The following NBPF15 variants were observed in gnomAD, a reference collection of about 807,000 sequenced individuals.
NBPF15 encodes NBPF family member NBPF15.
In NBPF15, 74 loss-of-function variants were observed where a neutral mutation model predicts 62.2. That is an observed-to-expected ratio of 1.19 (90% CI 0.99 to 1.44). The LOEUF (loss-of-function observed/expected upper bound fraction) is 1.44, where lower values mean the gene tolerates loss of function less well. Ranked by LOEUF, NBPF15 falls within the 40% of genes most tolerant of loss-of-function variation. The probability of loss-of-function intolerance (pLI) is 0.00; values close to 1 mark genes in which losing one functional copy is unlikely to be tolerated. For missense variants in NBPF15, 790 were observed against 550.0 expected, an observed-to-expected ratio of 1.44 and a Z score of -4.36; for synonymous variants, 244 against 209.7, an observed-to-expected ratio of 1.16 and a Z score of -1.41.
chr1:144,428,504 TG>T (rs1671672021), intron 15 of NBPF15, 101 bp downstream of exon 15: 1 of 819,002 alleles, frequency 1.2e-6, no homozygotes, highest in African/African-American at 1.7e-5. Flanking sequence ...CAGACTTGTC[TG>T]ACAAGACAAA....
intron 13 of NBPF15, among the ~76,000 whole-genome samples, chr1:144,432,183 C>T (rs1224686648): frequency 6.6e-6 from 1 of 151,996 alleles, no homozygotes; most frequent in Admixed American, 6.6e-5. Context: ...GAATTTTCAA[C>T]CCAGAATTTC....
rs1287626504 is a variant in NBPF15 at position 144,461,666 on chromosome 1, G to A, written c.-1223C>T. 6.6e-6 allele frequency: 1 copy of A among 152,296 alleles called. No individual in the cohort carries two copies. The highest frequency in any genetic ancestry group is 1.5e-5 in the Non-Finnish European group (1 of 68,208). 9.4% of individuals were successfully genotyped at this position (152,296 alleles called of 1,614,324 possible). A position where few individuals can be genotyped will look rare whatever the true frequency, so the allele number is the denominator to read the frequency against. ...GGGTCCCGCCCGGCGCGTCAGGAGA[G>A]CCCAAGGCGCAGGCGCAGCGGGGCC... On this transcript the variant is annotated 5_prime_UTR_variant, in exon 1 of 22. Coordinates refer to ENST00000581897, the MANE Select transcript of NBPF15 (RefSeq NM_001385408.1).
At position 144,456,582 on chromosome 1, in the gene NBPF15, T is replaced by A; in HGVS notation, c.-477A>T. 6.6e-7 allele frequency: 1 copy of A among 1,509,908 alleles called. No individual in the cohort carries two copies. The highest frequency in any genetic ancestry group is 8.9e-7 in the Non-Finnish European group (1 of 1,121,244). The allele number at this position is 1,509,908 out of a possible 1,614,324, so 93.5% of individuals were successfully genotyped here. ...TCATTCAGCCCACACCGTGTGAGGT[T>A]GCTCTTGGTGCACCGAATGGGGAAG... is the stretch of plus-strand genomic sequence containing the variant. On this transcript the variant is annotated 5_prime_UTR_variant, in exon 4 of 22. Transcript: ENST00000581897.
At chr1:144,424,603 G>A (rs2101586472) in intron 20 of NBPF15, 87 bp downstream of exon 20, 1 of 658,264 alleles carries the variant, frequency 1.5e-6, no homozygotes. Flanking sequence ...ACATCTCTCA[G>A]CTCAGTAATG....
At chr1:144,432,970 A>G (rs1325758794) in intron 13 of NBPF15, among the ~76,000 whole-genome samples, 2 of 151,822 alleles carry the variant, frequency 1.3e-5, no homozygotes, top group African/African-American at 4.8e-5. Context: ...AGACATCTAC[A>G]GAACTCTCCA....
At chr1:144,431,599 A>C (rs1674381732) in intron 13 of NBPF15, among the ~76,000 whole-genome samples, 1 of 136,534 alleles carries the variant, frequency 7.3e-6, no homozygotes, top group Non-Finnish European at 1.6e-5. Context: ...CCATTAACTC[A>C]TCATTTAACA....
At chr1:144,431,690 T>G (rs1487425279) in intron 13 of NBPF15, among the ~76,000 whole-genome samples, 1 of 117,000 alleles carries the variant, frequency 8.5e-6, no homozygotes, top group Non-Finnish European at 1.7e-5. Context: ...CCCCTTTCTG[T>G]GTCCATGTGT....
chr1:144,428,089 G>C lies in NBPF15; in HGVS notation c.1041-99C>G, dbSNP rs1236577420. 5 of 739,696 alleles carry C rather than the reference G, an allele frequency of 6.8e-6. No homozygotes were observed. In the African/African-American group the frequency reaches 8.6e-5, roughly 13 times the overall value. The allele number at this position is 739,696 out of a possible 1,614,324, so 45.8% of individuals were successfully genotyped here. A position where few individuals can be genotyped will look rare whatever the true frequency, so the allele number is the denominator to read the frequency against. On this transcript the variant is annotated intron_variant, in intron 15 of 21. Transcript: ENST00000581897. The stretch of plus-strand genomic sequence containing the variant: ...GCTAACATAAGGAAGAGTTTGAAAA[G>C]AAAAAGGACAGATCCATTAATGAGG...
At chr1:144,438,927 G>A (rs1188726385) in intron 8 of NBPF15, among the ~76,000 whole-genome samples, 1 of 151,792 alleles carries the variant, frequency 6.6e-6, no homozygotes, top group Non-Finnish European at 1.5e-5. Context: ...GCCCCAGGAA[G>A]CAGGACTTCA....
chr1:144,442,791 G>A (rs1553543121), intron 6 of NBPF15: 16 of 207,358 alleles, frequency 7.7e-5, no homozygotes, highest in East Asian at 1.2e-4. Flanking sequence ...TGGGGGGCCA[G>A]AAATATACTG....
At chr1:144,453,410 T>C (rs1428097247) in intron 4 of NBPF15, among the ~76,000 whole-genome samples, 1 of 151,682 alleles carries the variant, frequency 6.6e-6, no homozygotes, top group African/African-American at 2.4e-5. Flanking sequence ...TGAGGGATCC[T>C]GGGTTCAATG....
chr1:144,432,042 G>C (rs1219489946), intron 13 of NBPF15, among the ~76,000 whole-genome samples: 2 of 151,876 alleles, frequency 1.3e-5, no homozygotes, highest in Admixed American at 6.6e-5. Context: ...AGTATTTCTA[G>C]TTCTAGATCC....
At chr1:144,429,203 A>C (rs1672359545) in intron 14 of NBPF15, among the ~76,000 whole-genome samples, 1 of 150,634 alleles carries the variant, frequency 6.6e-6, no homozygotes, top group South Asian at 2.1e-4. Context: ...AAACAAGCGC[A>C]CTTAGAAGAC....
chr1:144,424,693 CCACGTCAAGAGAAAAGCCAA>C lies in NBPF15; in HGVS notation c.1640_1659del (p.Val547GlyfsTer4). On this transcript the variant is annotated frameshift_variant, in exon 20 of 22. Transcript: ENST00000581897. LOFTEE classifies it high-confidence loss of function. ...ACCTTCATAGAAAGGTACTCACCTC[CCACGTCAAGAGAAAAGCCAA>C]CATGTTTTTCCTCCAATGCATAAAA... The C allele has an allele frequency of 1.6e-6, 1 of 630,230 alleles. No homozygotes were observed. The highest frequency in any genetic ancestry group is 2.8e-6 in the Non-Finnish European group (1 of 358,754). The allele number at this position is 630,230 out of a possible 1,614,324, so 39.0% of individuals were successfully genotyped here. A position where few individuals can be genotyped will look rare whatever the true frequency, so the allele number is the denominator to read the frequency against.
At chr1:144,455,135 G>A (rs185304943) in intron 4 of NBPF15, among the ~76,000 whole-genome samples, 2 of 147,770 alleles carry the variant, frequency 1.4e-5, no homozygotes, top group East Asian at 4.0e-4. Context: ...AAGGGAGGGA[G>A]GAAGAAAAGG....
chr1:144,431,464 T>C (rs1242602735), intron 13 of NBPF15, among the ~76,000 whole-genome samples: 3 of 147,198 alleles, frequency 2.0e-5, no homozygotes, highest in African/African-American at 5.4e-5. Flanking sequence ...TTTATTATTT[T>C]TTGTGTGTAT....
rs1375171660 is a variant in NBPF15 at position 144,423,332 on chromosome 1, A to C, written c.1770-76T>G. On this transcript the variant is annotated intron_variant, in intron 21 of 21. Coordinates refer to ENST00000581897, the MANE Select transcript of NBPF15 (RefSeq NM_001385408.1). ...CAGAGCCCCACTAGATTTCAGAAGTAATATAAGGAAGTGGTTAGAAAAGAA... is the reference window on the plus strand; with the variant it reads ...CAGAGCCCCACTAGATTTCAGAAGTCATATAAGGAAGTGGTTAGAAAAGAA... 11 of 1,610,622 alleles carry C rather than the reference A, an allele frequency of 6.8e-6. No individual in the cohort carries two copies. In the East Asian group the frequency reaches 1.8e-4, roughly 26 times the overall value.
intron 6 of NBPF15, among the ~76,000 whole-genome samples, chr1:144,443,235 A>G (rs1684882385): frequency 6.6e-6 from 1 of 151,964 alleles, no homozygotes. Flanking sequence ...ATGAATAAAA[A>G]AGATTCTACT....
intron 4 of NBPF15, among the ~76,000 whole-genome samples, chr1:144,451,873 G>C (rs1571160288): frequency 1.3e-5 from 2 of 151,592 alleles, no homozygotes; most frequent in African/African-American, 4.9e-5. Flanking sequence ...CACAGTTCAG[G>C]TCAGGCCGTG....
Sources: allele counts gnomAD v4.1 joint callset (sites outside exome capture counted in the v4.1 genomes callset), GRCh38; gene constraint gnomAD v4.1.1; transcripts MANE v1.5; gene names NCBI Gene and HGNC (gene_info 2026-07-23, HGNC 2026-07-21).